PTPN12: variants seen among roughly 807,000 people sequenced by gnomAD.
PTPN12 encodes protein tyrosine phosphatase non-receptor type 12.
A neutral mutation model predicts 97.6 loss-of-function variants in PTPN12; 29 were observed. The ratio of observed to expected loss-of-function variants is 0.30; its 90% CI spans 0.22 to 0.41. PTPN12 has a LOEUF of 0.41. Among genes scored for constraint, PTPN12 ranks in the 10% least tolerant of loss-of-function variants. The pLI, the probability that PTPN12 is intolerant of heterozygous loss-of-function variation, is 1.00. For synonymous variants in PTPN12, 327 were observed against 300.4 expected (o/e 1.09, Z -0.91); for missense variants, 819 against 926.0 (o/e 0.88, Z 1.50).
chr7:77,615,025 A>G (rs991582527), intron 11 of PTPN12, among the ~76,000 whole-genome samples: 14 of 152,148 alleles, frequency 9.2e-5, no homozygotes, highest in African/African-American at 3.1e-4. Context: ...TAAAGAGAAA[A>G]TTTATTCTGT....
chr7:77,551,535 G>T (rs190894038), intron 1 of PTPN12, among the ~76,000 whole-genome samples: 1 of 152,280 alleles, frequency 6.6e-6, no homozygotes, highest in East Asian at 1.9e-4. Context: ...TTCAGTTAGG[G>T]CAAGTGACAA....
At chr7:77,578,320 A>C (rs1787401309) in intron 2 of PTPN12, among the ~76,000 whole-genome samples, 1 of 152,172 alleles carries the variant, frequency 6.6e-6, no homozygotes, top group African/African-American at 2.4e-5. Flanking sequence ...CATTTTCCAG[A>C]GTCATAGCTT....
At chr7:77,620,739 G>A (rs1788904181) in intron 12 of PTPN12, among the ~76,000 whole-genome samples, 1 of 151,480 alleles carries the variant, frequency 6.6e-6, no homozygotes, top group Non-Finnish European at 1.5e-5. Context: ...CACAAGGTCA[G>A]GAGTTTAAGA....
chr7:77,608,333 G>A (rs752008209), intron 9 of PTPN12, among the ~76,000 whole-genome samples: 2 of 152,212 alleles, frequency 1.3e-5, no homozygotes, highest in African/African-American at 2.4e-5. Context: ...GTGGTAAATT[G>A]TAAGTACTCA....
chr7:77,610,735 A>C lies in PTPN12; in HGVS notation c.763-30A>C. ...TTTACTATTTTCTGAATAGATACAC[A>C]AAGTTGATGTATTAAATTTTCTGTT... On this transcript the variant is annotated intron_variant, in intron 9 of 17. Transcript: ENST00000248594. The C allele has an allele frequency of 2.6e-6, 4 of 1,552,068 alleles. No homozygotes were observed. In the South Asian group the frequency reaches 3.5e-5, roughly 14 times the overall value.
intron 14 of PTPN12, 39 bp downstream of exon 14, chr7:77,632,464 T>G: frequency 6.8e-7 from 1 of 1,464,194 alleles, no homozygotes; most frequent in Non-Finnish European, 9.6e-7. Context: ...CTTCATATTC[T>G]AATAATAAAC....
At chr7:77,610,045 TCTCA>T (rs1187482349) in intron 9 of PTPN12, among the ~76,000 whole-genome samples, 1 of 152,354 alleles carries the variant, frequency 6.6e-6, no homozygotes, top group African/African-American at 2.4e-5. Context: ...TCCGCCAGTT[TCTCA>T]CTCTTTCAGA....
At position 77,571,134 on chromosome 7, in the gene PTPN12, T is replaced by G; in HGVS notation, c.156T>G (p.Thr52=). 2 of 1,605,286 alleles carry G rather than the reference T, an allele frequency of 1.2e-6. No individual in the cohort carries two copies. Among genetic ancestry groups the G allele is most frequent in the Non-Finnish European group, 1.7e-6 (2 of 1,175,614 alleles). ...YRTEKIYPTA[T]GEKEENVKKN... The stretch of plus-strand genomic sequence containing the variant: ...CAGAAAAGATATATCCCACAGCCAC[T>G]GGAGAAAAAGAAGAAAATGTTAAAA... The change falls in exon 2 of 18, where the codon ACT becomes ACG. Residue 52 remains threonine, a synonymous_variant. Coordinates refer to ENST00000248594, the MANE Select transcript of PTPN12 (RefSeq NM_002835.4).
chr7:77,634,621 T>G (rs1789522194), intron 14 of PTPN12, among the ~76,000 whole-genome samples: 1 of 151,774 alleles, frequency 6.6e-6, no homozygotes, highest in Non-Finnish European at 1.5e-5. Context: ...TTTGTATTTT[T>G]TTTAGTAGAG....
At chr7:77,581,320 G>GT (rs994574136) in intron 2 of PTPN12, 107 bp from the exon 3 acceptor site, 154 of 588,520 alleles carry the variant, frequency 2.6e-4, no homozygotes, top group East Asian at 1.3e-3. Context: ...TTCATCCATT[G>GT]TTTTTTAAAA....
At chr7:77,610,337 T>TGA (rs1331127044) in intron 9 of PTPN12, among the ~76,000 whole-genome samples, 2 of 152,252 alleles carry the variant, frequency 1.3e-5, no homozygotes, top group African/African-American at 4.8e-5. Context: ...TCTCCTCCTT[T>TGA]GAGTACCTTC....
intron 1 of PTPN12, among the ~76,000 whole-genome samples, chr7:77,569,445 G>T (rs1163803395): frequency 6.6e-6 from 1 of 152,088 alleles, no homozygotes; most frequent in African/African-American, 2.4e-5. Context: ...GTATTAAGAG[G>T]TTTCTTTGAT....
At chr7:77,540,933 A>G (rs549859731) in intron 1 of PTPN12, among the ~76,000 whole-genome samples, 45 of 152,342 alleles carry the variant, frequency 3.0e-4, no homozygotes, top group African/African-American at 1.1e-3. Flanking sequence ...TTGGAAATTA[A>G]TAGAATAATA....
chr7:77,582,690 A>G (rs1189402130), intron 3 of PTPN12, among the ~76,000 whole-genome samples: 3 of 151,806 alleles, frequency 2.0e-5, no homozygotes, highest in African/African-American at 4.8e-5. Flanking sequence ...AGACTGAGGC[A>G]GGAGAATCGC....
At chr7:77,604,841 ATG>A (rs1216859702) in intron 8 of PTPN12, 8 of 425,230 alleles carry the variant, frequency 1.9e-5, no homozygotes, top group Admixed American at 1.7e-4. Context: ...TGGTTAAGGT[ATG>A]TGATCAGAAT....
intron 6 of PTPN12, among the ~76,000 whole-genome samples, chr7:77,595,546 G>A (rs575561540): frequency 1.3e-5 from 2 of 152,196 alleles, no homozygotes; most frequent in East Asian, 3.9e-4. Context: ...TGCCTGTTTC[G>A]TAAATAAAGT....
intron 5 of PTPN12, among the ~76,000 whole-genome samples, chr7:77,587,001 TC>T (rs1355703803): frequency 2.6e-5 from 4 of 152,164 alleles, no homozygotes; most frequent in Non-Finnish European, 4.4e-5. Context: ...TGCAGTTACT[TC>T]CTCTACTGAA....
chr7:77,624,824 G>C (rs1789076294), intron 12 of PTPN12, among the ~76,000 whole-genome samples: 2 of 151,902 alleles, frequency 1.3e-5, no homozygotes, highest in African/African-American at 4.8e-5. Flanking sequence ...TGATCACCTG[G>C]GGGGAGAAAA....
In PTPN12 at chr7:77,581,409, T is replaced by C; in HGVS notation, c.209-18T>C. The stretch of plus-strand genomic sequence containing the variant: ...CTGTGTGTCAACCATACATATTTTA[T>C]GAATTTTTTTCTCGTAGTTGATCAC... On this transcript the variant is annotated intron_variant, in intron 2 of 17. Coordinates refer to ENST00000248594, the MANE Select transcript of PTPN12 (RefSeq NM_002835.4). 6.4e-7 allele frequency: 1 copy of C among 1,561,934 alleles called. No individual in the cohort carries two copies. The highest frequency in any genetic ancestry group is 8.8e-7 in the Non-Finnish European group (1 of 1,136,904).
Sources: allele counts gnomAD v4.1 joint callset (sites outside exome capture counted in the v4.1 genomes callset), GRCh38; gene constraint gnomAD v4.1.1; transcripts MANE v1.5; gene names NCBI Gene and HGNC (gene_info 2026-07-23, HGNC 2026-07-21).